ARMH3: variants seen among roughly 807,000 people sequenced by gnomAD.
ARMH3 encodes armadillo like helical domain containing 3.
Under a neutral mutation model 99.1 loss-of-function variants are expected in ARMH3, and 60 were observed. The observed-to-expected ratio is 0.61, with a 90% confidence interval of 0.49 to 0.75. ARMH3 has a LOEUF of 0.75. Among genes scored for constraint, ARMH3 ranks in the 30% least tolerant of loss-of-function variants. The pLI, the probability that ARMH3 is intolerant of heterozygous loss-of-function variation, is 0.00. For synonymous variants in ARMH3, 285 were observed against 292.8 expected, an observed-to-expected ratio of 0.97 and a Z score of 0.27; for missense variants, 679 against 843.1, an observed-to-expected ratio of 0.81 and a Z score of 2.41.
intron 14 of ARMH3, 128 bp downstream of exon 14, chr10:102,006,412 T>C (rs2066488568): frequency 1.6e-5 from 15 of 929,986 alleles, no homozygotes; most frequent in Non-Finnish European, 2.3e-5. Flanking sequence ...GCCTGAAGGA[T>C]AGTACTACAG....
rs951500056 is a variant in ARMH3, at chr10:102,016,008, G to A, written c.670-1984C>T. 2.6e-5 allele frequency among the ~76,000 whole-genome samples: 4 copies of A among 152,090 alleles called. No homozygotes were observed. In the South Asian group the frequency reaches 6.2e-4, roughly 24 times the overall value. ...AAGCTAGCCAGGCATAGTGGCACAC[G>A]CCTGTAGTCCCAGCTACTCGGAAGG... On this transcript the variant is annotated intron_variant, in intron 8 of 25. Coordinates refer to ENST00000370033, the MANE Select transcript of ARMH3 (RefSeq NM_024541.3).
chr10:101,916,364 C>T (rs758797027), intron 23 of ARMH3, among the ~76,000 whole-genome samples: 1 of 151,938 alleles, frequency 6.6e-6, no homozygotes, highest in South Asian at 2.1e-4. Flanking sequence ...CTACCCCCCA[C>T]CCCCATCCCA....
chr10:101,963,519 C>T (rs1417046502), intron 20 of ARMH3, among the ~76,000 whole-genome samples: 1 of 152,186 alleles, frequency 6.6e-6, no homozygotes, highest in Admixed American at 6.5e-5. Flanking sequence ...GATCCACCCG[C>T]CTCAGCCCTA....
intron 24 of ARMH3, among the ~76,000 whole-genome samples, chr10:101,883,252 C>T (rs897876032): frequency 3.3e-5 from 5 of 151,650 alleles, no homozygotes; most frequent in Non-Finnish European, 1.5e-5. Context: ...CCTCTTTCCA[C>T]AAAACTGAAA....
intron 5 of ARMH3, among the ~76,000 whole-genome samples, chr10:102,028,224 T>C (rs1299431260): frequency 6.6e-6 from 1 of 152,172 alleles, no homozygotes; most frequent in African/African-American, 2.4e-5. Flanking sequence ...CCAGCAATTC[T>C]ACACCTAGGT....
intron 23 of ARMH3, among the ~76,000 whole-genome samples, chr10:101,936,570 C>T (rs1843987541): frequency 6.7e-6 from 1 of 149,224 alleles, no homozygotes; most frequent in East Asian, 1.9e-4. Flanking sequence ...GGTCAAAATG[C>T]TAAACCTAAA....
chr10:101,991,953 G>C lies in ARMH3; in HGVS notation c.1345+16C>G, dbSNP rs1846817341. 4 of 1,605,434 alleles carry C rather than the reference G, an allele frequency of 2.5e-6. No individual in the cohort carries two copies. In the Admixed American group the frequency reaches 5.0e-5, roughly 20 times the overall value. The stretch of plus-strand genomic sequence containing the variant: ...GCTGTCACAGAACAATGTCAATGTT[G>C]ATGATACTCACTCACCCAGTACTGC... On this transcript the variant is annotated intron_variant, in intron 18 of 25. Transcript: ENST00000370033.
At chr10:102,037,925 C>T (rs1406105820) in intron 2 of ARMH3, among the ~76,000 whole-genome samples, 1 of 151,818 alleles carries the variant, frequency 6.6e-6, no homozygotes, top group Non-Finnish European at 1.5e-5. Flanking sequence ...TCTCTCAAGT[C>T]CTGCTCCCAA....
chr10:101,899,379 A>G (rs1413706677), intron 23 of ARMH3, among the ~76,000 whole-genome samples: 2 of 152,226 alleles, frequency 1.3e-5, no homozygotes, highest in Non-Finnish European at 2.9e-5. Flanking sequence ...CTGGCTTTTG[A>G]GAAGGGGTAA....
chr10:101,869,831 G>T (rs1021007908), intron 24 of ARMH3, among the ~76,000 whole-genome samples: 1 of 152,132 alleles, frequency 6.6e-6, no homozygotes, highest in African/African-American at 2.4e-5. Context: ...TCAAGAGTTT[G>T]AGACCAGCCT....
In ARMH3 at chr10:101,942,930, T is replaced by C. The variant is rs1015769700; in HGVS notation, c.1706-2992A>G. On this transcript the variant is annotated intron_variant, in intron 22 of 25. Coordinates refer to ENST00000370033, the MANE Select transcript of ARMH3 (RefSeq NM_024541.3). ...GATGCAGTAACTTACCCTCCTACCTTAAACAACAGAAACCTGGACAAAACA... is the reference window on the plus strand; with the variant it reads ...GATGCAGTAACTTACCCTCCTACCTCAAACAACAGAAACCTGGACAAAACA... Among the ~76,000 whole-genome samples, 6 of 151,582 alleles carry C rather than the reference T, an allele frequency of 4.0e-5. No homozygotes were observed. In the East Asian group the frequency reaches 9.6e-4, roughly 24 times the overall value.
chr10:101,849,589 T>C lies in ARMH3; in HGVS notation c.1977+187A>G, dbSNP rs377215973. On this transcript the variant is annotated intron_variant, in intron 25 of 25. Transcript: ENST00000370033. ...TGTCTCCATGGCTGCAAAGGAGAAG[T>C]AGGCAATACTACCTCGAATAGCATC... is the stretch of plus-strand genomic sequence containing the variant. 1.8e-4 allele frequency among the ~76,000 whole-genome samples: 27 copies of C among 152,274 alleles called. No homozygotes were observed. The South Asian group carries it at 5.6e-3, about 32-fold the overall frequency.
At chr10:101,970,401 T>C (rs1845714695) in intron 20 of ARMH3, among the ~76,000 whole-genome samples, 1 of 152,224 alleles carries the variant, frequency 6.6e-6, no homozygotes, top group African/African-American at 2.4e-5. Context: ...GTTCTATTAT[T>C]ATTATTATTC....
At chr10:102,007,656 TAAAAAAAAAAAAA>T (rs961346897) in intron 13 of ARMH3, among the ~76,000 whole-genome samples, 26 of 54,978 alleles carry the variant, frequency 4.7e-4, no homozygotes, top group Non-Finnish European at 6.8e-4. Flanking sequence ...CTGTCTCTAC[TAAAAAAAAAAAAA>T]AAAAAAAAAA....
intron 8 of ARMH3, among the ~76,000 whole-genome samples, chr10:102,019,625 T>C (rs868782437): frequency 3.3e-5 from 5 of 152,030 alleles, no homozygotes; most frequent in Non-Finnish European, 7.4e-5. Context: ...GTTTTAAAAA[T>C]TGTTTAACTA....
At chr10:101,889,343 C>T (rs1457831720) in intron 24 of ARMH3, 69 bp downstream of exon 24, 10 of 1,410,282 alleles carry the variant, frequency 7.1e-6, no homozygotes, top group Non-Finnish European at 1.0e-5. Flanking sequence ...AATCCCCCTG[C>T]CATCAGAGAG....
In ARMH3 at chr10:102,022,620, G is replaced by A. The variant is rs191472296; in HGVS notation, c.669+857C>T. ...TTCTGAGATGGAGTCTCACTCTGTC[G>A]CCCAGGCTGGAGTGCAGTGGTGCAA... On this transcript the variant is annotated intron_variant, in intron 8 of 25. Coordinates refer to ENST00000370033, the MANE Select transcript of ARMH3 (RefSeq NM_024541.3). Among the ~76,000 whole-genome samples the A allele has an allele frequency of 3.3e-3, 481 of 146,086 alleles. 1 individual carries two copies. The highest frequency in any genetic ancestry group is 0.011 in the Middle Eastern group (3 of 280).
In ARMH3 at chr10:101,928,732, G is replaced by A. The variant is rs1035559486; in HGVS notation, c.1781+11131C>T. On this transcript the variant is annotated intron_variant, in intron 23 of 25. Coordinates refer to ENST00000370033, the MANE Select transcript of ARMH3 (RefSeq NM_024541.3). Reference sequence around the variant, plus strand: ...AGATATTTTGTTGTTGTTGTTGTTTGTTTTTGTTTTTGTTTGAGGCAGAGT... The same window carrying A: ...AGATATTTTGTTGTTGTTGTTGTTTATTTTTGTTTTTGTTTGAGGCAGAGT... 5.3e-5 allele frequency among the ~76,000 whole-genome samples: 8 copies of A among 152,020 alleles called. No individual in the cohort carries two copies. In the East Asian group the frequency reaches 7.7e-4, roughly 15 times the overall value.
At chr10:101,908,583 C>A (rs957904985) in intron 23 of ARMH3, among the ~76,000 whole-genome samples, 1 of 152,124 alleles carries the variant, frequency 6.6e-6, no homozygotes, top group African/African-American at 2.4e-5. Context: ...CAGTTGAAAA[C>A]CACCAAGTTA....
Sources: gnomAD v4.1 joint callset for allele counts (sites outside exome capture counted in the v4.1 genomes callset) on GRCh38, gnomAD v4.1.1 for gene constraint, MANE v1.5 for transcripts, NCBI Gene and HGNC (gene_info 2026-07-23, HGNC 2026-07-21) for gene names.